The following PDGFRL variants were observed in gnomAD, a reference collection of about 807,000 sequenced individuals.
PDGFRL encodes platelet-derived growth factor receptor-like protein.
PDGFRL carries 46 observed loss-of-function variants against 37.2 expected under a neutral mutation model. The observed-to-expected ratio is 1.24, with a 90% confidence interval of 0.98 to 1.58. PDGFRL has a LOEUF of 1.58. PDGFRL is among the 40% of genes most tolerant of loss of function. The probability of loss-of-function intolerance (pLI) is 0.00; values close to 1 mark genes in which losing one functional copy is unlikely to be tolerated. For synonymous variants in PDGFRL, 251 were observed against 184.3 expected, an observed-to-expected ratio of 1.36 and a Z score of -2.93; for missense variants, 692 against 467.6, an observed-to-expected ratio of 1.48 and a Z score of -4.43.
chr8:17,631,355 G>C (rs1423858757), intron 4 of PDGFRL, among the ~76,000 whole-genome samples: 1 of 152,136 alleles, frequency 6.6e-6, no homozygotes, highest in Non-Finnish European at 1.5e-5. Flanking sequence ...CTGCAGTGGA[G>C]CTTCTCAGCC....
intron 1 of PDGFRL, among the ~76,000 whole-genome samples, chr8:17,581,109 T>A (rs991911934): frequency 2.0e-5 from 3 of 152,096 alleles, no homozygotes; most frequent in Non-Finnish European, 4.4e-5. Context: ...GACTTCAGCA[T>A]ATCTTTTTAG....
chr8:17,641,202 G>A (rs1262870699), intron 5 of PDGFRL, among the ~76,000 whole-genome samples: 1 of 152,194 alleles, frequency 6.6e-6, no homozygotes, highest in Non-Finnish European at 1.5e-5. Context: ...CAGCCTCTTG[G>A]ATAAGAAAGC....
At chr8:17,613,028 A>C (rs1012700060) in intron 2 of PDGFRL, among the ~76,000 whole-genome samples, 1 of 152,206 alleles carries the variant, frequency 6.6e-6, no homozygotes, top group Non-Finnish European at 1.5e-5. Flanking sequence ...ATCTACCATG[A>C]ATATTTTTTG....
rs150699836 is a variant in PDGFRL at position 17,634,143 on chromosome 8, G to A, written c.869G>A (p.Ser290Asn). ...SNKVKSGDDI[S>N]VLCTVLGEPD... ...AAAGTGAAAAGTGGGGACGACATCA[G>A]TGTGCTCTGCACTGTCCTGGGGGAG... The change falls in exon 5 of 6, where the codon AGT (serine) becomes AAT (asparagine). Residue 290 changes from serine to asparagine, a missense_variant. Physicochemically the swap from Ser to Asn is conservative, Grantham distance 46. Transcript: ENST00000251630. 3.1e-6 allele frequency: 5 copies of A among 1,613,186 alleles called. No individual in the cohort carries two copies. The highest frequency in any genetic ancestry group is 4.5e-5 in the East Asian group (2 of 44,890).
chr8:17,577,355 G>A (rs1379360813), intron 1 of PDGFRL, 48 bp downstream of exon 1: 1 of 1,522,272 alleles, frequency 6.6e-7, no homozygotes, highest in Non-Finnish European at 9.0e-7. Context: ...CCTGACTTTA[G>A]CCGGGACCCG....
At chr8:17,607,678 G>A (rs76012856) in intron 2 of PDGFRL, among the ~76,000 whole-genome samples, 6,423 of 152,264 alleles carry the variant, frequency 0.042, 341 homozygotes, top group African/African-American at 0.12. Context: ...GCTTTAACAA[G>A]TAAGTATACA....
chr8:17,580,995 C>T (rs1017328993), intron 1 of PDGFRL, among the ~76,000 whole-genome samples: 2 of 151,754 alleles, frequency 1.3e-5, no homozygotes, highest in South Asian at 4.1e-4. Flanking sequence ...GAACATCAGT[C>T]CTATTGGAGG....
intron 2 of PDGFRL, among the ~76,000 whole-genome samples, chr8:17,609,307 G>A (rs1463736401): frequency 6.6e-6 from 1 of 152,030 alleles, no homozygotes; most frequent in Non-Finnish European, 1.5e-5. Flanking sequence ...GGGAATTCAA[G>A]ACCAGCCTGG....
chr8:17,627,347 T>G (rs1442171643), intron 3 of PDGFRL, among the ~76,000 whole-genome samples: 1 of 152,200 alleles, frequency 6.6e-6, no homozygotes, highest in Non-Finnish European at 1.5e-5. Flanking sequence ...CTTGTCTACT[T>G]TAAGTAATAC....
At chr8:17,621,924 C>A (rs751341059) in intron 3 of PDGFRL, among the ~76,000 whole-genome samples, 7 of 152,184 alleles carry the variant, frequency 4.6e-5, no homozygotes, top group Non-Finnish European at 7.3e-5. Context: ...CCTCCTGCTT[C>A]GGTCTCCCAA....
At chr8:17,600,445 C>T (rs1049871044) in intron 2 of PDGFRL, among the ~76,000 whole-genome samples, 1 of 152,124 alleles carries the variant, frequency 6.6e-6, no homozygotes, top group Non-Finnish European at 1.5e-5. Context: ...TCCTATATTA[C>T]ATTAAACGTT....
chr8:17,629,302 G>A (rs1185427686), intron 4 of PDGFRL, among the ~76,000 whole-genome samples: 1 of 151,936 alleles, frequency 6.6e-6, no homozygotes, highest in East Asian at 1.9e-4. Flanking sequence ...TCCTTGTTAT[G>A]ACCCTGACCG....
chr8:17,640,938 G>T (rs973363569), intron 5 of PDGFRL, among the ~76,000 whole-genome samples: 1 of 152,016 alleles, frequency 6.6e-6, no homozygotes, highest in African/African-American at 2.4e-5. Context: ...CTCCTTGGGC[G>T]GGTCTTGCTA....
intron 2 of PDGFRL, among the ~76,000 whole-genome samples, chr8:17,602,680 A>C (rs192999547): frequency 7.8e-4 from 118 of 152,230 alleles, no homozygotes; most frequent in African/African-American, 2.5e-3. Flanking sequence ...GGCTATTTGG[A>C]AAGGAGAGCT....
intron 2 of PDGFRL, among the ~76,000 whole-genome samples, chr8:17,607,137 C>T (rs1469987941): frequency 6.6e-6 from 1 of 152,020 alleles, no homozygotes; most frequent in Non-Finnish European, 1.5e-5. Flanking sequence ...CTCAAGTGAT[C>T]CACCTGCCTT....
chr8:17,602,817 C>T (rs1272228137), intron 2 of PDGFRL, among the ~76,000 whole-genome samples: 1 of 152,090 alleles, frequency 6.6e-6, no homozygotes, highest in East Asian at 1.9e-4. Context: ...AACTGGCTTC[C>T]TATCACCAGT....
intron 2 of PDGFRL, among the ~76,000 whole-genome samples, chr8:17,596,570 C>T (rs1181742125): frequency 6.6e-6 from 1 of 152,118 alleles, no homozygotes; most frequent in Non-Finnish European, 1.5e-5. Flanking sequence ...TCAAATATAT[C>T]TAAATTATAT....
rs138007273 is a variant in PDGFRL at position 17,577,325 on chromosome 8, C to A, written c.55+18C>A. 42,507 of 1,604,932 alleles carry A rather than the reference C, an allele frequency of 0.026. 1,057 individuals carry two copies. Among genetic ancestry groups the A allele is most frequent in the Admixed American group, 0.12 (6,880 of 59,384 alleles). On this transcript the variant is annotated intron_variant, in intron 1 of 5. Coordinates refer to ENST00000251630, the MANE Select transcript of PDGFRL (RefSeq NM_001372073.1). Reference sequence around the variant, plus strand: ...GGAGGATGGTGAGTGACTCTGGGCGCGGGGCCACCTAGCTTGTGCCCTGAC... The same window carrying A: ...GGAGGATGGTGAGTGACTCTGGGCGAGGGGCCACCTAGCTTGTGCCCTGAC...
chr8:17,586,146 G>T (rs182257446), intron 1 of PDGFRL, among the ~76,000 whole-genome samples: 3,914 of 144,360 alleles, frequency 0.027, 85 homozygotes, highest in Middle Eastern at 0.064. Context: ...AAGAGATGAG[G>T]TTTTACTATG....
Sources: gnomAD v4.1 joint callset for allele counts (sites outside exome capture counted in the v4.1 genomes callset) on GRCh38, gnomAD v4.1.1 for gene constraint, MANE v1.5 for transcripts, NCBI Gene and HGNC (gene_info 2026-07-23, HGNC 2026-07-21) for gene names.